Variants in PLCB4 observed in about 807,000 individuals in gnomAD.
PLCB4 encodes the protein phospholipase C beta 4, also known as 1-phosphatidylinositol 4,5-bisphosphate phosphodiesterase beta-4.
A neutral mutation model predicts 178.8 loss-of-function variants in PLCB4; 77 were observed. The observed-to-expected ratio is 0.43, with a 90% confidence interval of 0.36 to 0.52. The LOEUF is 0.52. PLCB4 is among the 20% of genes least tolerant of loss of function. PLCB4 has a pLI of 0.00. For synonymous variants in PLCB4, 496 were observed against 490.8 expected, an observed-to-expected ratio of 1.01 and a Z score of -0.14; for missense variants, 1,024 against 1,453.4, an observed-to-expected ratio of 0.70 and a Z score of 4.80.
intron 2 of PLCB4, among the ~76,000 whole-genome samples, chr20:9,212,462 G>A (rs1601186887): frequency 1.3e-5 from 2 of 152,252 alleles, no homozygotes; most frequent in South Asian, 4.1e-4. Flanking sequence ...ACTAAAACAG[G>A]CATGGCAATG....
chr20:9,102,626 T>TTA (rs1418689331), intron 2 of PLCB4, among the ~76,000 whole-genome samples: 7 of 152,222 alleles, frequency 4.6e-5, no homozygotes, highest in African/African-American at 1.7e-4. Context: ...TGAAATGTTT[T>TTA]TAGTTCTTTA....
chr20:9,265,289 C>T (rs1306357181), intron 3 of PLCB4, among the ~76,000 whole-genome samples: 1 of 152,054 alleles, frequency 6.6e-6, no homozygotes, highest in Non-Finnish European at 1.5e-5. Context: ...TCGAGACCAG[C>T]CTGGCCAACG....
intron 2 of PLCB4, among the ~76,000 whole-genome samples, chr20:9,184,727 G>T (rs2093304376): frequency 6.6e-6 from 1 of 151,864 alleles, no homozygotes; most frequent in East Asian, 1.9e-4. Flanking sequence ...GCTGTCAGGT[G>T]ATCTTATGTG....
chr20:9,261,221 T>A (rs1020129372), intron 3 of PLCB4, among the ~76,000 whole-genome samples: 9 of 152,074 alleles, frequency 5.9e-5, no homozygotes, highest in African/African-American at 2.2e-4. Flanking sequence ...TTTTTTTTTT[T>A]AATTTGCTGA....
At chr20:9,285,495 T>G (rs1004039241) in intron 3 of PLCB4, among the ~76,000 whole-genome samples, 2 of 152,002 alleles carry the variant, frequency 1.3e-5, no homozygotes, top group Non-Finnish European at 2.9e-5. Flanking sequence ...ATAGGAAATC[T>G]TGGCCCTCTT....
intron 9 of PLCB4, among the ~76,000 whole-genome samples, chr20:9,367,741 A>G (rs1481172958): frequency 6.6e-6 from 1 of 152,236 alleles, no homozygotes; most frequent in African/African-American, 2.4e-5. Flanking sequence ...TATGTATCCT[A>G]TGAATCAAGT....
chr20:9,365,141 A>G (rs1249313328), intron 8 of PLCB4, among the ~76,000 whole-genome samples: 2 of 152,250 alleles, frequency 1.3e-5, no homozygotes, highest in Non-Finnish European at 2.9e-5. Flanking sequence ...GCCAGATAAA[A>G]TAGAGGACAC....
chr20:9,414,812 AAATT>A (rs1384486241), intron 25 of PLCB4, among the ~76,000 whole-genome samples: 1 of 152,242 alleles, frequency 6.6e-6, no homozygotes, highest in African/African-American at 2.4e-5. Flanking sequence ...AAAATAGTGT[AAATT>A]AATACCTAAA....
chr20:9,203,057 ATATATATAT>A (rs2093569994), intron 2 of PLCB4, among the ~76,000 whole-genome samples: 1 of 97,266 alleles, frequency 1.0e-5, no homozygotes, highest in Non-Finnish European at 2.0e-5. Flanking sequence ...AAAAAAAAAA[ATATATATAT>A]ATATATATAT....
chr20:9,359,738 T>C (rs1215768049), intron 7 of PLCB4, among the ~76,000 whole-genome samples: 5 of 152,168 alleles, frequency 3.3e-5, no homozygotes, highest in African/African-American at 1.2e-4. Context: ...ACTATGTAGA[T>C]GATTACCACA....
At chr20:9,297,752 A>G (rs935484534) in intron 3 of PLCB4, among the ~76,000 whole-genome samples, 1 of 152,078 alleles carries the variant, frequency 6.6e-6, no homozygotes, top group Non-Finnish European at 1.5e-5. Context: ...GTCATGGACA[A>G]CTATGTACTT....
rs142678275 is a variant in PLCB4, at chr20:9,348,364, A to G, written c.369+9327A>G. On this transcript the variant is annotated intron_variant, in intron 7 of 39. Transcript: ENST00000378473. ...AGTTAGAGAAGCTAAAATAGAGACC[A>G]GATTCTGATTCTGATTAACTGGGAG... Among the ~76,000 whole-genome samples the G allele has an allele frequency of 2.0e-4, 31 of 152,380 alleles. No homozygotes were observed. In the East Asian group the frequency reaches 5.8e-3, roughly 28 times the overall value.
At chr20:9,226,146 TCTC>T (rs1431264231) in intron 3 of PLCB4, among the ~76,000 whole-genome samples, 1 of 152,188 alleles carries the variant, frequency 6.6e-6, no homozygotes, top group Non-Finnish European at 1.5e-5. Flanking sequence ...GCTGACGTGA[TCTC>T]CTGACCCTTT....
At chr20:9,401,236 T>C (rs1202770877) in intron 19 of PLCB4, among the ~76,000 whole-genome samples, 1 of 152,206 alleles carries the variant, frequency 6.6e-6, no homozygotes, top group South Asian at 2.1e-4. Context: ...AAAAATTTAT[T>C]AAGCATCAAG....
intron 2 of PLCB4, among the ~76,000 whole-genome samples, chr20:9,118,657 C>G (rs1053840555): frequency 2.6e-5 from 4 of 151,890 alleles, no homozygotes; most frequent in African/African-American, 9.7e-5. Flanking sequence ...CAGTGGAGGG[C>G]TAGAACAGAA....
chr20:9,309,721 A>G (rs976439857), intron 4 of PLCB4, among the ~76,000 whole-genome samples: 1 of 152,220 alleles, frequency 6.6e-6, no homozygotes, highest in African/African-American at 2.4e-5. Flanking sequence ...ACTGTTATGT[A>G]AGAAAAAGCT....
chr20:9,239,484 AC>A (rs577361308), intron 3 of PLCB4, among the ~76,000 whole-genome samples: 1,793 of 152,322 alleles, frequency 0.012, 17 homozygotes, highest in Non-Finnish European at 0.018. Context: ...AATTTATTTA[AC>A]CAAACCTTTC....
rs761053694 is a variant in PLCB4 at position 9,384,238 on chromosome 20, G to A, written c.891G>A (p.Met297Ile). The change falls in exon 14 of 40, where the codon ATG becomes ATA. Residue 297 changes from methionine (M) to isoleucine (I), a missense_variant. By Grantham distance (10) the Met-to-Ile change is conservative. Coordinates refer to ENST00000378473, the MANE Select transcript of PLCB4 (RefSeq NM_001377142.1). ...GTGATGGGTTTTGCAGATATCTGATGTCAGATGAAAACGCCCCAGTCTTCC... is the reference window on the plus strand; with the variant it reads ...GTGATGGGTTTTGCAGATATCTGATATCAGATGAAAACGCCCCAGTCTTCC... ...ISSDGFCRYL[M>I]SDENAPVFLD... 5.6e-6 allele frequency: 9 copies of A among 1,614,114 alleles called. No homozygotes were observed. The highest frequency in any genetic ancestry group is 1.1e-5 in the South Asian group (1 of 91,076).
Position 9,307,918 on chromosome 20 carries a change from C to G in PLCB4, c.84+20C>G, listed in dbSNP as rs752009445. On this transcript the variant is annotated intron_variant, in intron 4 of 39. Transcript: ENST00000378473. ...GAGGAGGTAAAGAAGTGTTATTAATCTTTTCTCTCAAAACATTCTAATAAT... is the reference window on the plus strand; with the variant it reads ...GAGGAGGTAAAGAAGTGTTATTAATGTTTTCTCTCAAAACATTCTAATAAT... The G allele has an allele frequency of 1.1e-5, 11 of 1,010,332 alleles. No individual in the cohort carries two copies. The highest frequency in any genetic ancestry group is 1.7e-5 in the Non-Finnish European group (11 of 655,342). The allele number at this position is 1,010,332 out of a possible 1,614,324, so 62.6% of individuals were successfully genotyped here.
Sources: gnomAD v4.1 joint callset for allele counts (sites outside exome capture counted in the v4.1 genomes callset) on GRCh38, gnomAD v4.1.1 for gene constraint, MANE v1.5 for transcripts, NCBI Gene and HGNC (gene_info 2026-07-23, HGNC 2026-07-21) for gene names.